The following ACOT6 variants were observed in gnomAD, a reference collection of about 807,000 sequenced individuals.
ACOT6 encodes the protein acyl-CoA thioesterase 6.
Under a neutral mutation model 12.3 loss-of-function variants are expected in ACOT6, and 14 were observed. The ratio of observed to expected loss-of-function variants is 1.14; its 90% confidence interval spans 0.75 to 1.78. ACOT6 has a LOEUF of 1.78. Among genes scored for constraint, ACOT6 ranks in the 40% most tolerant of loss-of-function variants. The pLI, the probability that ACOT6 is intolerant of heterozygous loss-of-function variation, is 0.00. For synonymous variants in ACOT6, 218 were observed against 231.3 expected (o/e 0.94, Z 0.52); for missense variants, 523 against 551.8 (o/e 0.95, Z 0.52).
In ACOT6 at chr14:73,619,719, A is replaced by G; in HGVS notation, c.1146A>G (p.Ile382Met). ...ASVHAVLGEA[I>M]FYGGEPKAHS... is the part of the protein sequence containing the mutation. The stretch of plus-strand genomic sequence containing the variant: ...TGCACGCTGTTTTGGGTGAGGCAAT[A>G]TTCTATGGAGGTGAGCCAAAGGCTC... The change falls in exon 3 of 3, where the codon ATA (isoleucine) becomes ATG (methionine). Residue 382 changes from isoleucine to methionine, a missense_variant. Coordinates refer to ENST00000645972, the MANE Select transcript of ACOT6 (RefSeq NM_001365788.1). The G allele has an allele frequency of 6.2e-7, 1 of 1,614,174 alleles. No homozygotes were observed. The highest frequency in any genetic ancestry group is 8.5e-7 in the Non-Finnish European group (1 of 1,180,026).
chr14:73,615,423 A>AC (rs1033091171), intron 1 of ACOT6, among the ~76,000 whole-genome samples: 21 of 141,950 alleles, frequency 1.5e-4, no homozygotes, highest in Non-Finnish European at 2.6e-4. Flanking sequence ...AACAAAAAAA[A>AC]CCAGCAACAA....
In ACOT6 at chr14:73,619,770, G is replaced by A. The variant is rs181096805; in HGVS notation, c.1197G>A (p.Trp399Ter). ...KAHSKAQVDA[W>*]QQIQTFFHKH... is the part of the protein sequence containing the mutation. ...ACTCAAAGGCACAGGTAGATGCCTGGCAGCAAATTCAAACTTTCTTCCATA... is the reference window on the plus strand; with the variant it reads ...ACTCAAAGGCACAGGTAGATGCCTGACAGCAAATTCAAACTTTCTTCCATA... The change falls in exon 3 of 3, where the codon TGG becomes TGA. Residue 399 changes from tryptophan to a stop codon, truncating the protein, a stop_gained. Transcript: ENST00000645972. LOFTEE classifies it high-confidence loss of function. 21 of 1,610,258 alleles carry A rather than the reference G, an allele frequency of 1.3e-5. No individual in the cohort carries two copies. The highest frequency in any genetic ancestry group is 2.7e-5 in the African/African-American group (2 of 74,806).
intron 1 of ACOT6, 143 bp downstream of exon 1, chr14:73,613,175 T>C (rs1030149535): frequency 1.5e-5 from 7 of 458,508 alleles, no homozygotes; most frequent in African/African-American, 1.2e-4. Flanking sequence ...GCGTCCGCTG[T>C]TGCCCAGGCT....
chr14:73,611,932 T>G (rs919050284), upstream of ACOT6, among the ~76,000 whole-genome samples: 2 of 152,146 alleles, frequency 1.3e-5, no homozygotes, highest in Non-Finnish European at 2.9e-5. Context: ...TGGGATGCTT[T>G]TTCAAAATCT....
Position 73,612,953 on chromosome 14 carries a change from G to C in ACOT6, c.382G>C (p.Asp128His), listed in dbSNP as rs997334226. The change falls in exon 1 of 3, where the codon GAC becomes CAC. Residue 128 changes from aspartate to histidine, a missense_variant. Coordinates refer to ENST00000645972, the MANE Select transcript of ACOT6 (RefSeq NM_001365788.1). ...RLLCLAQNKR[D>H]FLRPGVRREP... ...GCTGTGCCTGGCGCAGAACAAGCGC[G>C]ACTTTCTCCGGCCGGGGGTGCGGCG... 14 of 1,252,856 alleles carry C rather than the reference G, an allele frequency of 1.1e-5. No individual in the cohort carries two copies. The highest frequency in any genetic ancestry group is 5.5e-4 in the Middle Eastern group (2 of 3,636). The allele number at this position is 1,252,856 out of a possible 1,614,324, so 77.6% of individuals were successfully genotyped here.
intron 1 of ACOT6, among the ~76,000 whole-genome samples, chr14:73,614,048 A>AAAAAAC (rs1566870202): frequency 2.1e-5 from 3 of 143,848 alleles, no homozygotes; most frequent in African/African-American, 7.8e-5. Context: ...AAAAAAAAAA[A>AAAAAAC]AAATTAGGCA....
intron 1 of ACOT6, among the ~76,000 whole-genome samples, chr14:73,614,855 G>C (rs1890506040): frequency 2.0e-5 from 3 of 151,928 alleles, no homozygotes; most frequent in Admixed American, 6.6e-5. Context: ...CCAGCACTTT[G>C]GGAGGCCGAG....
chr14:73,612,745 C>T lies in ACOT6; in HGVS notation c.174C>T (p.Asp58=). ...AHARYRADAR[D]ELDLERAPAL... The stretch of plus-strand genomic sequence containing the variant: ...CGCGCTACCGTGCCGACGCCCGCGA[C>T]GAGCTGGACCTGGAGCGCGCGCCCG... Residue 58 remains aspartate, a synonymous_variant, in exon 1 of 3, where the codon GAC becomes GAT. Transcript: ENST00000645972. 2 of 1,369,224 alleles carry T rather than the reference C, an allele frequency of 1.5e-6. No individual in the cohort carries two copies. Among genetic ancestry groups the T allele is most frequent in the African/African-American group, 1.5e-5 (1 of 65,484 alleles). 84.8% of individuals were successfully genotyped at this position (1,369,224 alleles called of 1,614,324 possible). A position where few individuals can be genotyped will look rare whatever the true frequency, so the allele number is the denominator to read the frequency against.
Position 73,619,744 on chromosome 14 carries a change from C to T in ACOT6, c.1171C>T (p.His391Tyr), listed in dbSNP as rs867712821. The T allele has an allele frequency of 4.2e-5, 68 of 1,613,830 alleles. 2 individuals carry two copies. In the Middle Eastern group the frequency reaches 3.5e-3, roughly 82 times the overall value. ...ATTCTATGGAGGTGAGCCAAAGGCT[C>T]ACTCAAAGGCACAGGTAGATGCCTG... is the stretch of plus-strand genomic sequence containing the variant. ...AIFYGGEPKA[H>Y]SKAQVDAWQQ... Residue 391 changes from histidine (H) to tyrosine (Y), a missense_variant, in exon 3 of 3, where the codon CAC becomes TAC. By Grantham distance (83) the His-to-Tyr change is moderately conservative. This residue lies in a region of ACOT6 where 219 missense variants were observed against 277.0 expected (regional missense o/e 0.79). Coordinates refer to ENST00000645972, the MANE Select transcript of ACOT6 (RefSeq NM_001365788.1).
intron 2 of ACOT6, among the ~76,000 whole-genome samples, chr14:73,617,789 T>C (rs1890564456): frequency 6.6e-6 from 1 of 152,200 alleles, no homozygotes; most frequent in Non-Finnish European, 1.5e-5. Flanking sequence ...TTGTTGGGTA[T>C]GATAATGGTA....
chr14:73,619,634 G>GT lies in ACOT6; in HGVS notation c.1063dup (p.Tyr355LeufsTer9). Reference sequence around the variant, plus strand: ...GGGAAAGAAAGACCCCAGATAATCTGTTACCCAGAAACTGGTCACTGTATT... The same window carrying GT: ...GGGAAAGAAAGACCCCAGATAATCTGTTTACCCAGAAACTGGTCACTGTATT... On this transcript the variant is annotated frameshift_variant, in exon 3 of 3. Coordinates refer to ENST00000645972, the MANE Select transcript of ACOT6 (RefSeq NM_001365788.1). LOFTEE classifies it low-confidence loss of function (END_TRUNC). 1 of 1,614,170 alleles carries GT rather than the reference G, an allele frequency of 6.2e-7. No individual in the cohort carries two copies. The highest frequency in any genetic ancestry group is 1.1e-5 in the South Asian group (1 of 91,080).
intron 1 of ACOT6, chr14:73,616,713 T>A: frequency 4.0e-6 from 1 of 249,526 alleles, no homozygotes; most frequent in Non-Finnish European, 7.5e-6. Context: ...TTTTTTTAAT[T>A]TCAATACCTT....
At chr14:73,616,000 A>C (rs1890530947) in intron 1 of ACOT6, among the ~76,000 whole-genome samples, 1 of 152,134 alleles carries the variant, frequency 6.6e-6, no homozygotes, top group Non-Finnish European at 1.5e-5. Context: ...TCAAGGTTAC[A>C]GTGATCTACA....
chr14:73,612,369 A>C, upstream of ACOT6: 4 of 417,708 alleles, frequency 9.6e-6, no homozygotes, highest in Non-Finnish European at 1.7e-5. Context: ...TTATTTCAGC[A>C]GATACTCTTT....
intron 1 of ACOT6, among the ~76,000 whole-genome samples, chr14:73,615,400 A>C (rs1175885951): frequency 2.1e-5 from 3 of 143,568 alleles, no homozygotes; most frequent in Non-Finnish European, 3.0e-5. Context: ...AAAAAAAAAA[A>C]AAAAAAACAA....
intron 2 of ACOT6, among the ~76,000 whole-genome samples, chr14:73,618,168 G>A (rs1299301569): frequency 2.0e-5 from 3 of 151,738 alleles, no homozygotes; most frequent in African/African-American, 4.8e-5. Context: ...CAACAACAAC[G>A]ACAACAAATT....
intron 1 of ACOT6, among the ~76,000 whole-genome samples, chr14:73,614,229 A>T (rs1890496560): frequency 6.6e-6 from 1 of 152,024 alleles, no homozygotes; most frequent in Non-Finnish European, 1.5e-5. Context: ...CAAATTCTAG[A>T]GTTGCAACAG....
rs1297644316 is a variant in ACOT6, at chr14:73,612,523, G to A, written c.-49G>A. 8.5e-6 allele frequency: 10 copies of A among 1,180,056 alleles called. No homozygotes were observed. Among genetic ancestry groups the A allele is most frequent in the African/African-American group, 3.2e-5 (2 of 61,870 alleles). The allele number at this position is 1,180,056 out of a possible 1,614,324, so 73.1% of individuals were successfully genotyped here. On this transcript the variant is annotated 5_prime_UTR_variant, in exon 1 of 3. Transcript: ENST00000645972. ...AGCGCTCGGCAAAGCCGCCAGGCCCGCCCACTGACTCCGCGGAGCTGGGTC... is the reference window on the plus strand; with the variant it reads ...AGCGCTCGGCAAAGCCGCCAGGCCCACCCACTGACTCCGCGGAGCTGGGTC...
upstream of ACOT6, among the ~76,000 whole-genome samples, chr14:73,612,172 G>C (rs575254269): frequency 6.6e-6 from 1 of 151,906 alleles, no homozygotes; most frequent in Non-Finnish European, 1.5e-5. Flanking sequence ...CTCCCAAGTA[G>C]CCGGGATTAC....
Sources: gnomAD v4.1 joint callset for allele counts (sites outside exome capture counted in the v4.1 genomes callset) on GRCh38, gnomAD v4.1.1 for gene constraint, gnomAD v4.1.1 regional missense constraint, MANE v1.5 for transcripts, NCBI Gene and HGNC (gene_info 2026-07-23, HGNC 2026-07-21) for gene names.